The following GALC variants were observed in gnomAD, a reference collection of about 807,000 sequenced individuals.
The protein encoded by GALC is galactocerebrosidase.
In GALC, 77 loss-of-function variants were observed where a neutral mutation model predicts 91.8. That is an observed-to-expected ratio of 0.84 (90% confidence interval 0.70 to 1.01). GALC has a LOEUF of 1.01. GALC is among the 50% of genes least tolerant of loss of function. The pLI is 0.00. For synonymous variants in GALC, 357 were observed against 306.7 expected, an observed-to-expected ratio of 1.16 and a Z score of -1.71; for missense variants, 882 against 855.9, an observed-to-expected ratio of 1.03 and a Z score of -0.38.
intron 12 of GALC, among the ~76,000 whole-genome samples, chr14:87,949,354 T>A (rs138664614): frequency 6.6e-6 from 1 of 152,116 alleles, no homozygotes; most frequent in African/African-American, 2.4e-5. Flanking sequence ...TAAGGAATGT[T>A]AACTTCTAAG....
rs751465042 is a variant in GALC, at chr14:87,968,471, G to A, written c.772C>T (p.His258Tyr). Reference protein sequence around the residue: ...DVIGAHYPGTHSAKDAKLTGK... With the variant: ...DVIGAHYPGTYSAKDAKLTGK... ...GTCAACTTTGCATCTTTTGCTGAATGGGTTCCAGGATAATGAGCCCTAGAA... is the reference window on the plus strand; with the variant it reads ...GTCAACTTTGCATCTTTTGCTGAATAGGTTCCAGGATAATGAGCCCTAGAA... Residue 258 changes from histidine to tyrosine, a missense_variant, in exon 8 of 17, where the codon CAT (histidine) becomes TAT (tyrosine). By Grantham distance (83) the His-to-Tyr change is moderately conservative (BLOSUM62 2). Coordinates refer to ENST00000261304, the MANE Select transcript of GALC (RefSeq NM_000153.4). The A allele has an allele frequency of 6.2e-7, 1 of 1,613,868 alleles. No individual in the cohort carries two copies. The highest frequency in any genetic ancestry group is 8.5e-7 in the Non-Finnish European group (1 of 1,179,858).
At chr14:87,957,395 T>C (rs540713052) in intron 10 of GALC, among the ~76,000 whole-genome samples, 1 of 152,304 alleles carries the variant, frequency 6.6e-6, no homozygotes, top group African/African-American at 2.4e-5. Context: ...AGGTCTTAGA[T>C]TGAAGCCTTT....
At chr14:87,976,569 T>G in intron 6 of GALC, 81 bp from the exon 7 acceptor site, 1 of 1,150,490 alleles carries the variant, frequency 8.7e-7, no homozygotes, top group South Asian at 1.3e-5. Context: ...ATAGATAAAG[T>G]TATCTTTACA....
At chr14:87,959,931 C>T (rs1004231381) in intron 10 of GALC, among the ~76,000 whole-genome samples, 6 of 151,822 alleles carry the variant, frequency 4.0e-5, no homozygotes, top group African/African-American at 1.2e-4. Context: ...TATATATATA[C>T]ACAATGGAGT....
At chr14:87,968,521 A>T (rs1286798487) in intron 7 of GALC, 31 bp from the exon 8 acceptor site, 1 of 1,610,410 alleles carries the variant, frequency 6.2e-7, no homozygotes, top group African/African-American at 1.3e-5. Flanking sequence ...AGTCAATGAA[A>T]AAAGGTCACG....
At chr14:87,973,719 C>T (rs1886386469) in intron 7 of GALC, among the ~76,000 whole-genome samples, 2 of 152,134 alleles carry the variant, frequency 1.3e-5, no homozygotes, top group African/African-American at 4.8e-5. Context: ...GTTCCTCAAC[C>T]TCAGCACTAT....
At chr14:87,977,353 T>C (rs1369990684) in intron 6 of GALC, among the ~76,000 whole-genome samples, 2 of 152,130 alleles carry the variant, frequency 1.3e-5, no homozygotes, top group East Asian at 3.9e-4. Context: ...TACTACTCAG[T>C]ACTATGCTTG....
At chr14:87,960,158 A>G (rs1885738871) in intron 10 of GALC, among the ~76,000 whole-genome samples, 1 of 151,878 alleles carries the variant, frequency 6.6e-6, no homozygotes, top group African/African-American at 2.4e-5. Flanking sequence ...AAGGACAGGA[A>G]GAGGTCGGTC....
intron 10 of GALC, among the ~76,000 whole-genome samples, chr14:87,962,096 G>T (rs1885829346): frequency 6.6e-6 from 1 of 152,090 alleles, no homozygotes; most frequent in Non-Finnish European, 1.5e-5. Flanking sequence ...TGAGCTGTCA[G>T]TTTTGTGTAT....
At chr14:87,938,283 A>G in intron 16 of GALC, among the ~76,000 whole-genome samples, 1 of 152,024 alleles carries the variant, frequency 6.6e-6, no homozygotes, top group East Asian at 1.9e-4. Context: ...GTGTGATGTC[A>G]GCTTGGGATA....
chr14:87,960,119 A>T (rs921805936), intron 10 of GALC, among the ~76,000 whole-genome samples: 6 of 151,886 alleles, frequency 4.0e-5, no homozygotes, highest in Non-Finnish European at 7.4e-5. Context: ...AACAGTGGTT[A>T]CCAGACACTG....
intron 9 of GALC, among the ~76,000 whole-genome samples, chr14:87,964,929 T>A (rs572932799): frequency 1.3e-5 from 2 of 152,298 alleles, no homozygotes; most frequent in East Asian, 1.9e-4. Context: ...TAAAATCTTT[T>A]GAGCTTTACA....
chr14:87,963,531 T>A lies in GALC; in HGVS notation c.1034-20A>T. 1 of 1,606,538 alleles carries A rather than the reference T, an allele frequency of 6.2e-7. No individual in the cohort carries two copies. The highest frequency in any genetic ancestry group is 2.2e-5 in the East Asian group (1 of 44,688). The stretch of plus-strand genomic sequence containing the variant: ...TATGAGCTATAGAAAAACAGAAAGT[T>A]CCAAATAAGACAAAAATGGTAATAA... On this transcript the variant is annotated intron_variant, in intron 9 of 16. Transcript: ENST00000261304.
intron 16 of GALC, among the ~76,000 whole-genome samples, chr14:87,936,913 T>TA (rs57995994): frequency 0.91 from 111,149 of 121,514 alleles, 52,885 homozygotes; most frequent in Non-Finnish European, 0.99. Flanking sequence ...TATATATATA[T>TA]TTATTTATTT....
chr14:87,966,114 G>C (rs1379643839), intron 8 of GALC, among the ~76,000 whole-genome samples: 1 of 152,142 alleles, frequency 6.6e-6, no homozygotes, highest in African/African-American at 2.4e-5. Context: ...TTTAAACCAT[G>C]GTTTCACCAC....
chr14:87,937,390 GACT>G (rs139906486), intron 16 of GALC, among the ~76,000 whole-genome samples: 16,660 of 151,818 alleles, frequency 0.11, 1,130 homozygotes, highest in Non-Finnish European at 0.16. Context: ...GTGCCTGACA[GACT>G]ACTTTAGTGC....
rs76521220 is a variant in GALC, at chr14:87,976,302, A to G, written c.752+56T>C. 224,469 of 1,595,452 alleles carry G rather than the reference A, an allele frequency of 0.14. 17,196 individuals carry two copies. Among genetic ancestry groups the G allele is most frequent in the Middle Eastern group, 0.16 (968 of 6,036 alleles). ...GGGAGAAGGCAAGAAAAAGATAGTC[A>G]ATACACAGAGCAAGCAATCAGAAAC... On this transcript the variant is annotated intron_variant, in intron 7 of 16. Transcript: ENST00000261304.
In GALC at chr14:87,939,881, C is replaced by T. The variant is rs1364731589; in HGVS notation, c.1911+24G>A. Reference sequence around the variant, plus strand: ...GCACAACAAAAGAGCATTTTACCTCCAGACTCCAATCAGCAATACTTACCT... The same window carrying T: ...GCACAACAAAAGAGCATTTTACCTCTAGACTCCAATCAGCAATACTTACCT... On this transcript the variant is annotated intron_variant, in intron 16 of 16. Coordinates refer to ENST00000261304, the MANE Select transcript of GALC (RefSeq NM_000153.4). 6 of 1,516,386 alleles carry T rather than the reference C, an allele frequency of 4.0e-6. No homozygotes were observed. In the Admixed American group the frequency reaches 6.7e-5, roughly 17 times the overall value. The allele number at this position is 1,516,386 out of a possible 1,614,324, so 93.9% of individuals were successfully genotyped here.
chr14:87,940,186 A>C (rs1254272927), intron 15 of GALC, among the ~76,000 whole-genome samples: 1 of 151,900 alleles, frequency 6.6e-6, no homozygotes, highest in Non-Finnish European at 1.5e-5. Flanking sequence ...ATATACTGAG[A>C]TCCTACTCTG....
Sources: allele counts gnomAD v4.1 joint callset (sites outside exome capture counted in the v4.1 genomes callset), GRCh38; gene constraint gnomAD v4.1.1; transcripts MANE v1.5; gene names NCBI Gene and HGNC (gene_info 2026-07-23, HGNC 2026-07-21).